CAPZB: variants seen among roughly 807,000 people sequenced by gnomAD.
CAPZB encodes the protein F-actin-capping protein subunit beta.
A neutral mutation model predicts 38.1 loss-of-function variants in CAPZB; 2 were observed. That is an observed-to-expected ratio of 0.05 (90% CI 0.02 to 0.17). The LOEUF (loss-of-function observed/expected upper bound fraction) is 0.17. Ranked by LOEUF, CAPZB falls within the 10% of genes least tolerant of loss-of-function variation. The probability of loss-of-function intolerance (pLI) is 1.00; values close to 1 mark genes in which losing one functional copy is unlikely to be tolerated. For synonymous variants in CAPZB, 107 were observed against 127.4 expected (o/e 0.84, Z 1.08); for missense variants, 161 against 334.2 (o/e 0.48, Z 4.04).
chr1:19,421,807 A>G (rs1334318721), intron 1 of CAPZB, among the ~76,000 whole-genome samples: 2 of 152,244 alleles, frequency 1.3e-5, no homozygotes, highest in East Asian at 1.9e-4. Context: ...TATCTTCCTT[A>G]GAGAGTGACA....
intron 1 of CAPZB, among the ~76,000 whole-genome samples, chr1:19,477,617 G>A (rs573455417): frequency 1.3e-3 from 201 of 152,352 alleles, no homozygotes; most frequent in African/African-American, 4.5e-3. Context: ...GAAGCCTTCA[G>A]CAGCAACACT....
At chr1:19,378,449 C>A in intron 4 of CAPZB, 91 bp downstream of exon 4, 1 of 770,448 alleles carries the variant, frequency 1.3e-6, no homozygotes, top group Non-Finnish European at 2.3e-6. Context: ...AATGCTTGGC[C>A]AGGTAACAGA....
chr1:19,389,553 G>A (rs893822074), intron 2 of CAPZB, among the ~76,000 whole-genome samples: 3 of 151,892 alleles, frequency 2.0e-5, no homozygotes, highest in Non-Finnish European at 2.9e-5. Flanking sequence ...TCAGCCTCCC[G>A]AGTAGCTGGG....
intron 8 of CAPZB, among the ~76,000 whole-genome samples, chr1:19,340,515 C>G (rs2093922152): frequency 6.6e-6 from 1 of 152,202 alleles, no homozygotes; most frequent in African/African-American, 2.4e-5. Flanking sequence ...ATTTAATTTT[C>G]ACGGGCATCC....
intron 1 of CAPZB, among the ~76,000 whole-genome samples, chr1:19,451,420 C>T (rs2094515557): frequency 6.6e-6 from 1 of 152,192 alleles, no homozygotes; most frequent in Non-Finnish European, 1.5e-5. Context: ...CCGAAATTGG[C>T]AACATATGAT....
intron 2 of CAPZB, among the ~76,000 whole-genome samples, chr1:19,410,261 G>A (rs1237586313): frequency 1.3e-5 from 2 of 152,158 alleles, no homozygotes; most frequent in South Asian, 2.1e-4. Flanking sequence ...AGGATGCCAG[G>A]GGAGATGGAG....
At chr1:19,438,420 G>A (rs1210632522) in intron 1 of CAPZB, among the ~76,000 whole-genome samples, 2 of 152,178 alleles carry the variant, frequency 1.3e-5, no homozygotes, top group Non-Finnish European at 2.9e-5. Context: ...AAACTGTCCT[G>A]CTGCCAAACA....
Sources: gnomAD v4.1 joint callset for allele counts (sites outside exome capture counted in the v4.1 genomes callset) on GRCh38, gnomAD v4.1.1 for gene constraint, MANE v1.5 for transcripts, NCBI Gene and HGNC (gene_info 2026-07-23, HGNC 2026-07-21) for gene names.